Variants in ATP9B observed in about 807,000 individuals in gnomAD.
The protein encoded by ATP9B is ATPase phospholipid transporting 9B.
In ATP9B, 110 loss-of-function variants were observed where a neutral mutation model predicts 146.1. The ratio of observed to expected loss-of-function variants is 0.75; its 90% CI spans 0.65 to 0.88. ATP9B has a LOEUF of 0.88. Ranked by LOEUF, ATP9B falls within the 40% of genes least tolerant of loss-of-function variation. ATP9B has a pLI of 0.00. For missense variants in ATP9B, 1,499 were observed against 1,496.4 expected (o/e 1.00, Z -0.03); for synonymous variants, 604 against 569.7 (o/e 1.06, Z -0.86).
intron 17 of ATP9B, among the ~76,000 whole-genome samples, chr18:79,332,447 A>T (rs1048853196): frequency 6.6e-6 from 1 of 152,198 alleles, no homozygotes; most frequent in Non-Finnish European, 1.5e-5. Flanking sequence ...AAAATAAAAA[A>T]ATTATAAGGA....
In ATP9B at chr18:79,158,123, G is replaced by A. The variant is rs76473633; in HGVS notation, c.778+3568G>A. Among the ~76,000 whole-genome samples, 1,059 of 151,946 alleles carry A rather than the reference G, an allele frequency of 7.0e-3. 15 individuals are homozygous for A. Among genetic ancestry groups the A allele is most frequent in the African/African-American group, 0.024 (1,008 of 41,442 alleles). ...ATTATTTACTTGAGGGTCTTTTTTA[G>A]TACAGGTGTTCATAACTACAAATTT... On this transcript the variant is annotated intron_variant, in intron 7 of 29. Transcript: ENST00000426216.
intron 10 of ATP9B, among the ~76,000 whole-genome samples, chr18:79,208,488 G>C (rs777952933): frequency 6.6e-6 from 1 of 152,160 alleles, no homozygotes; most frequent in Non-Finnish European, 1.5e-5. Flanking sequence ...GCAGCTTTGT[G>C]TGCTTGTGTT....
intron 8 of ATP9B, among the ~76,000 whole-genome samples, chr18:79,178,805 G>A (rs2095214474): frequency 6.6e-6 from 1 of 152,142 alleles, no homozygotes; most frequent in African/African-American, 2.4e-5. Flanking sequence ...TGATGTTCAT[G>A]AAACATATGG....
intron 4 of ATP9B, among the ~76,000 whole-genome samples, chr18:79,119,340 C>T (rs1001859440): frequency 2.0e-5 from 3 of 152,152 alleles, no homozygotes; most frequent in East Asian, 1.9e-4. Flanking sequence ...AGCACACACA[C>T]GTCTGTTTAC....
intron 19 of ATP9B, among the ~76,000 whole-genome samples, chr18:79,339,343 AGT>A (rs2096845033): frequency 6.6e-6 from 1 of 151,910 alleles, no homozygotes; most frequent in Non-Finnish European, 1.5e-5. Context: ...CGCAGTAGGA[AGT>A]GTGTCATGAG....
chr18:79,081,414 A>G (rs971549450), intron 1 of ATP9B, among the ~76,000 whole-genome samples: 1 of 151,910 alleles, frequency 6.6e-6, no homozygotes, highest in African/African-American at 2.4e-5. Context: ...TGTTTATAGT[A>G]TTCTCTGATG....
At chr18:79,222,386 GC>G in intron 11 of ATP9B, among the ~76,000 whole-genome samples, 1 of 152,064 alleles carries the variant, frequency 6.6e-6, no homozygotes, top group African/African-American at 2.4e-5. Context: ...TTTGGCTGCT[GC>G]CTTAACTCTC....
chr18:79,232,687 A>T (rs1300790473), intron 11 of ATP9B, among the ~76,000 whole-genome samples: 1 of 152,254 alleles, frequency 6.6e-6, no homozygotes, highest in Non-Finnish European at 1.5e-5. Context: ...CCAGATAGGG[A>T]ATCTAAAAGA....
chr18:79,353,940 G>A (rs565796931), intron 25 of ATP9B: 1 of 152,324 alleles, frequency 6.6e-6, no homozygotes, highest in South Asian at 2.1e-4. Flanking sequence ...ATTAAAGATT[G>A]AATTTCTGGA....
intron 15 of ATP9B, among the ~76,000 whole-genome samples, chr18:79,319,158 G>A (rs1011387113): frequency 1.3e-5 from 2 of 152,094 alleles, no homozygotes; most frequent in African/African-American, 2.4e-5. Flanking sequence ...AGGGCTTCTC[G>A]GCTTCACTTT....
intron 14 of ATP9B, among the ~76,000 whole-genome samples, chr18:79,305,131 G>A (rs1024975151): frequency 5.3e-5 from 8 of 152,220 alleles, no homozygotes; most frequent in African/African-American, 1.4e-4. Context: ...ACCTGGCGAC[G>A]TCAGCTGTGG....
At chr18:79,273,452 C>T (rs1455573602) in intron 12 of ATP9B, among the ~76,000 whole-genome samples, 1 of 152,152 alleles carries the variant, frequency 6.6e-6, no homozygotes, top group East Asian at 1.9e-4. Flanking sequence ...TTCAGCTTTA[C>T]GATCTGTAGG....
intron 1 of ATP9B, among the ~76,000 whole-genome samples, chr18:79,089,750 T>G (rs1480781688): frequency 2.0e-5 from 3 of 152,248 alleles, no homozygotes; most frequent in Non-Finnish European, 4.4e-5. Context: ...CTCCAGCATT[T>G]ATCATTTCTT....
At chr18:79,156,013 C>T (rs1250479895) in intron 7 of ATP9B, among the ~76,000 whole-genome samples, 1 of 152,034 alleles carries the variant, frequency 6.6e-6, no homozygotes, top group South Asian at 2.1e-4. Flanking sequence ...CCACCCACCT[C>T]GGCCTCCCAA....
At chr18:79,343,696 T>G (rs2096870618) in intron 20 of ATP9B, 3 of 155,298 alleles carry the variant, frequency 1.9e-5, no homozygotes, top group Admixed American at 1.9e-4. Context: ...CGATGATGTG[T>G]GGCGATGAGG....
intron 6 of ATP9B, among the ~76,000 whole-genome samples, chr18:79,149,755 C>T (rs557548635): frequency 2.6e-5 from 4 of 151,568 alleles, no homozygotes; most frequent in African/African-American, 9.7e-5. Flanking sequence ...CAAAAGATTT[C>T]AAGAGACATT....
chr18:79,083,360 G>T (rs113374503), intron 1 of ATP9B, among the ~76,000 whole-genome samples: 11,079 of 152,206 alleles, frequency 0.073, 551 homozygotes, highest in East Asian at 0.19. Context: ...GGTGGGATTC[G>T]CTGAGGTAGA....
At chr18:79,092,534 G>T (rs1228855754) in intron 1 of ATP9B, among the ~76,000 whole-genome samples, 1 of 149,694 alleles carries the variant, frequency 6.7e-6, no homozygotes, top group Non-Finnish European at 1.5e-5. Flanking sequence ...TTGTAATAAC[G>T]CTTAGTTTAA....
chr18:79,261,941 A>C (rs985716431), intron 12 of ATP9B, among the ~76,000 whole-genome samples: 1 of 152,104 alleles, frequency 6.6e-6, no homozygotes, highest in African/African-American at 2.4e-5. Flanking sequence ...TGAATGTGTA[A>C]CAGTTCTTCA....
Sources: gnomAD v4.1 joint callset for allele counts (sites outside exome capture counted in the v4.1 genomes callset) on GRCh38, gnomAD v4.1.1 for gene constraint, MANE v1.5 for transcripts, NCBI Gene and HGNC (gene_info 2026-07-23, HGNC 2026-07-21) for gene names.